AFG2A: variants seen among roughly 807,000 people sequenced by gnomAD.
The protein encoded by AFG2A is ATPase family gene 2 protein homolog A.
chr4:123,174,852 A>G, the AFG2A span, among the ~76,000 whole-genome samples: 1 of 151,852 alleles, frequency 6.6e-6, no homozygotes, highest in East Asian at 1.9e-4. Context: ...TTATTTTGAG[A>G]CACAGTCTTG....
At chr4:123,164,165 C>T in the AFG2A span, among the ~76,000 whole-genome samples, 1 of 152,256 alleles carries the variant, frequency 6.6e-6, no homozygotes, top group African/African-American at 2.4e-5. Flanking sequence ...CAAGATCTGC[C>T]TTCTTTGTGA....
the AFG2A span, among the ~76,000 whole-genome samples, chr4:123,063,694 T>G: frequency 6.6e-6 from 1 of 151,164 alleles, no homozygotes; most frequent in Non-Finnish European, 1.5e-5. Flanking sequence ...TGCAGTGAGC[T>G]GAGATCGCGC....
At chr4:123,118,582 T>G in the AFG2A span, among the ~76,000 whole-genome samples, 1 of 151,724 alleles carries the variant, frequency 6.6e-6, no homozygotes, top group African/African-American at 2.4e-5. Flanking sequence ...CTATTGTCAG[T>G]CTTTTGCCAC....
chr4:122,979,478 CT>C, the AFG2A span: 1 of 1,389,398 alleles, frequency 7.2e-7, no homozygotes. Context: ...CTAGGCTAAA[CT>C]TTAAAAAAAT....
the AFG2A span, among the ~76,000 whole-genome samples, chr4:123,064,386 C>G: frequency 6.6e-6 from 1 of 152,146 alleles, no homozygotes; most frequent in Non-Finnish European, 1.5e-5. Context: ...TTATTACATA[C>G]TAGAAACTAC....
At chr4:123,007,637 C>CA in the AFG2A span, among the ~76,000 whole-genome samples, 23 of 23,806 alleles carry the variant, frequency 9.7e-4, 1 homozygote, top group East Asian at 0.033. Context: ...TATACACACA[C>CA]ACACAACACA....
chr4:123,098,585 T>TA, the AFG2A span, among the ~76,000 whole-genome samples: 1 of 152,056 alleles, frequency 6.6e-6, no homozygotes, highest in Non-Finnish European at 1.5e-5. Flanking sequence ...TTCAACTTTT[T>TA]AAGACTCCAC....
chr4:123,243,915 G>A, the AFG2A span, among the ~76,000 whole-genome samples: 2 of 151,924 alleles, frequency 1.3e-5, no homozygotes, highest in African/African-American at 2.4e-5. Flanking sequence ...CCACCTATTC[G>A]GGAGGCTGAG....
the AFG2A span, among the ~76,000 whole-genome samples, chr4:122,944,051 C>G: frequency 4.5e-4 from 68 of 152,350 alleles, no homozygotes; most frequent in African/African-American, 1.4e-3. Flanking sequence ...TGACCTTTCT[C>G]TCTGGCTGCT....
At chr4:122,929,943 T>G in the AFG2A span, among the ~76,000 whole-genome samples, 1 of 152,160 alleles carries the variant, frequency 6.6e-6, no homozygotes, top group African/African-American at 2.4e-5. Flanking sequence ...GAGTGTGCCC[T>G]GACATTTTAG....
chr4:122,960,223 T>A, the AFG2A span, among the ~76,000 whole-genome samples: 3 of 152,242 alleles, frequency 2.0e-5, no homozygotes, highest in Non-Finnish European at 4.4e-5. Context: ...GCTGCCTTTC[T>A]AATTAATTAG....
At chr4:123,278,934 G>T in the AFG2A span, among the ~76,000 whole-genome samples, 1 of 152,094 alleles carries the variant, frequency 6.6e-6, no homozygotes, top group East Asian at 1.9e-4. Flanking sequence ...ACACATTAGG[G>T]TGAGTCATGT....
the AFG2A span, among the ~76,000 whole-genome samples, chr4:123,233,411 C>T: frequency 2.6e-5 from 4 of 151,924 alleles, no homozygotes; most frequent in African/African-American, 9.7e-5. Context: ...CCTTCCCTTT[C>T]CTCTCTTTTT....
At chr4:123,121,524 A>G in the AFG2A span, among the ~76,000 whole-genome samples, 141 of 152,236 alleles carry the variant, frequency 9.3e-4, 3 homozygotes, top group African/African-American at 3.2e-3. Context: ...TTAATCTCTT[A>G]TACATTATTT....
the AFG2A span, among the ~76,000 whole-genome samples, chr4:123,125,107 G>C: frequency 1.3e-5 from 2 of 152,114 alleles, no homozygotes; most frequent in African/African-American, 4.8e-5. Context: ...AGGAAACAAT[G>C]GGTCAGCTTT....
At chr4:122,980,857 TTTGAG>T in the AFG2A span, among the ~76,000 whole-genome samples, 1 of 152,128 alleles carries the variant, frequency 6.6e-6, no homozygotes, top group African/African-American at 2.4e-5. Context: ...TTTTTTTGCT[TTTGAG>T]TTGTTTGAGT....
At chr4:122,953,016 A>G in the AFG2A span, among the ~76,000 whole-genome samples, 2 of 152,052 alleles carry the variant, frequency 1.3e-5, no homozygotes, top group Non-Finnish European at 2.9e-5. Flanking sequence ...TGGCTGTTGT[A>G]TGGGCTGTGC....
chr4:123,145,902 T>A, the AFG2A span, among the ~76,000 whole-genome samples: 12 of 152,134 alleles, frequency 7.9e-5, no homozygotes, highest in African/African-American at 2.7e-4. Context: ...CTTTGGATTA[T>A]TTTTTCTTTT....
chr4:123,134,337 G>A, the AFG2A span, among the ~76,000 whole-genome samples: 2 of 152,068 alleles, frequency 1.3e-5, no homozygotes, highest in African/African-American at 2.4e-5. Context: ...CAGTTTGCTC[G>A]TCATCACTTA....
Sources: gnomAD v4.1 joint callset for allele counts (sites outside exome capture counted in the v4.1 genomes callset) on GRCh38, gnomAD v4.1.1 for gene constraint, MANE v1.5 for transcripts, NCBI Gene and HGNC (gene_info 2026-07-23, HGNC 2026-07-21) for gene names.